ST3GAL3: variants seen among roughly 807,000 people sequenced by gnomAD.
ST3GAL3 encodes the protein ST3 beta-galactoside alpha-2,3-sialyltransferase 3.
In ST3GAL3, 21 loss-of-function variants were observed where a neutral mutation model predicts 50.1. The ratio of observed to expected loss-of-function variants is 0.42; its 90% CI spans 0.30 to 0.60. The LOEUF (loss-of-function observed/expected upper bound fraction) is 0.60. Among genes scored for constraint, ST3GAL3 ranks in the 20% least tolerant of loss-of-function variants. The pLI, the probability that ST3GAL3 is intolerant of heterozygous loss-of-function variation, is 0.19. For missense variants in ST3GAL3, 353 were observed against 489.4 expected (o/e 0.72, Z 2.63); for synonymous variants, 183 against 190.0 (o/e 0.96, Z 0.30).
chr1:43,789,452 T>C (rs2154150224), intron 2 of ST3GAL3, among the ~76,000 whole-genome samples: 1 of 152,280 alleles, frequency 6.6e-6, no homozygotes, highest in Non-Finnish European at 1.5e-5. Context: ...ATCATTGAAT[T>C]GCACACTTAT....
At chr1:43,896,093 G>A (rs2077354809) in intron 6 of ST3GAL3, among the ~76,000 whole-genome samples, 1 of 152,152 alleles carries the variant, frequency 6.6e-6, no homozygotes, top group South Asian at 2.1e-4. Context: ...GTAGAACATT[G>A]CTTAAAGGTT....
At chr1:43,719,785 T>A (rs973387305) in intron 1 of ST3GAL3, among the ~76,000 whole-genome samples, 1 of 149,250 alleles carries the variant, frequency 6.7e-6, no homozygotes, top group Non-Finnish European at 1.5e-5. Context: ...ATACAAAAAT[T>A]AGCCGGGTAT....
At chr1:43,861,827 G>A (rs2070011944) in intron 5 of ST3GAL3, among the ~76,000 whole-genome samples, 1 of 152,106 alleles carries the variant, frequency 6.6e-6, no homozygotes, top group Admixed American at 6.6e-5. Flanking sequence ...TCAGGAGTTC[G>A]AGACCAGCCT....
At chr1:43,929,684 C>T (rs1419658021) in intron 11 of ST3GAL3, among the ~76,000 whole-genome samples, 1 of 152,228 alleles carries the variant, frequency 6.6e-6, no homozygotes, top group Non-Finnish European at 1.5e-5. Context: ...TTTCATCCGC[C>T]GCCCCCAGGC....
At chr1:43,871,419 G>C (rs185135524) in intron 5 of ST3GAL3, among the ~76,000 whole-genome samples, 1 of 152,010 alleles carries the variant, frequency 6.6e-6, no homozygotes, top group Admixed American at 6.5e-5. Flanking sequence ...GAGTGTGAGG[G>C]AGAGGACGGG....
intron 2 of ST3GAL3, among the ~76,000 whole-genome samples, chr1:43,784,428 G>C (rs1035359583): frequency 6.6e-6 from 1 of 152,170 alleles, no homozygotes; most frequent in African/African-American, 2.4e-5. Flanking sequence ...AGAATCGCTT[G>C]AACCTGGGAG....
At chr1:43,760,627 G>C (rs1689935434) in intron 2 of ST3GAL3, among the ~76,000 whole-genome samples, 1 of 152,116 alleles carries the variant, frequency 6.6e-6, no homozygotes, top group Non-Finnish European at 1.5e-5. Flanking sequence ...GTGGTGGTAG[G>C]CACCTGTAGT....
chr1:43,888,508 A>C (rs1307539183), intron 5 of ST3GAL3, among the ~76,000 whole-genome samples: 1 of 152,078 alleles, frequency 6.6e-6, no homozygotes, highest in Non-Finnish European at 1.5e-5. Context: ...CAAACAAACA[A>C]GGGGAAATTT....
At chr1:43,752,997 AT>A (rs1686743478) in intron 2 of ST3GAL3, among the ~76,000 whole-genome samples, 1 of 152,248 alleles carries the variant, frequency 6.6e-6, no homozygotes, top group African/African-American at 2.4e-5. Context: ...TAATTGGAAA[AT>A]TAAGTCAGAA....
At chr1:43,872,574 C>T (rs1570355254) in intron 5 of ST3GAL3, among the ~76,000 whole-genome samples, 1 of 152,036 alleles carries the variant, frequency 6.6e-6, no homozygotes, top group East Asian at 1.9e-4. Flanking sequence ...CTCACTTCAT[C>T]TTCACAATAA....
intron 3 of ST3GAL3, among the ~76,000 whole-genome samples, chr1:43,811,744 T>C (rs1324828452): frequency 6.6e-6 from 1 of 152,172 alleles, no homozygotes; most frequent in Non-Finnish European, 1.5e-5. Flanking sequence ...GGCAACCCAC[T>C]GTGTTCTCCA....
chr1:43,748,887 CAATAGCTGA>C (rs1684943329), intron 2 of ST3GAL3, among the ~76,000 whole-genome samples: 1 of 151,808 alleles, frequency 6.6e-6, no homozygotes. Context: ...AAAAAGAAAT[CAATAGCTGA>C]TTCTAAAATT....
chr1:43,875,196 A>G lies in ST3GAL3; in HGVS notation c.303-19187A>G, dbSNP rs559564486. ...AGTAAAGGACAGTGAAAAGACGGTCAAACCAATGGCTTGATGATTTCAGTG... is the reference window on the plus strand; with the variant it reads ...AGTAAAGGACAGTGAAAAGACGGTCGAACCAATGGCTTGATGATTTCAGTG... On this transcript the variant is annotated intron_variant, in intron 5 of 11. Coordinates refer to ENST00000347631, the MANE Select transcript of ST3GAL3 (RefSeq NM_006279.5). Among the ~76,000 whole-genome samples, 5 of 152,346 alleles carry G rather than the reference A, an allele frequency of 3.3e-5. No individual in the cohort carries two copies. In the South Asian group the frequency reaches 1.0e-3, roughly 32 times the overall value.
rs1343842248 is a variant in ST3GAL3, at chr1:43,930,935, G to A, written c.*714G>A. 1.9e-5 allele frequency: 3 copies of A among 156,114 alleles called. No homozygotes were observed. Among genetic ancestry groups the A allele is most frequent in the Non-Finnish European group, 1.4e-5 (1 of 70,258 alleles). 9.7% of individuals were successfully genotyped at this position (156,114 alleles called of 1,614,324 possible). ...GCTCAGGAGGGTGACGCCCAGCTCC[G>A]CCTGCTGGGAAGAGCTCCCCTCCAC... On this transcript the variant is annotated 3_prime_UTR_variant, in exon 12 of 12. Transcript: ENST00000347631.
intron 9 of ST3GAL3, among the ~76,000 whole-genome samples, chr1:43,903,217 T>C (rs1312448068): frequency 6.6e-6 from 1 of 152,194 alleles, no homozygotes; most frequent in Non-Finnish European, 1.5e-5. Context: ...TCCAATGCTG[T>C]GGCCTGTGCA....
intron 5 of ST3GAL3, among the ~76,000 whole-genome samples, chr1:43,867,559 T>C (rs2071638580): frequency 6.6e-6 from 1 of 152,110 alleles, no homozygotes; most frequent in African/African-American, 2.4e-5. Context: ...AGATGAAGTT[T>C]TGGCAGTGGT....
At chr1:43,898,470 A>G in intron 7 of ST3GAL3, 172 bp downstream of exon 7, 1 of 703,246 alleles carries the variant, frequency 1.4e-6, no homozygotes. Flanking sequence ...ACTCCACCTG[A>G]CTTGCACCCC....
chr1:43,823,904 T>C (rs1433701830), intron 4 of ST3GAL3, among the ~76,000 whole-genome samples: 1 of 152,252 alleles, frequency 6.6e-6, no homozygotes, highest in Non-Finnish European at 1.5e-5. Context: ...CTTTGAACCC[T>C]TCTCTGCCTG....
At chr1:43,745,322 G>T (rs186640203) in intron 2 of ST3GAL3, among the ~76,000 whole-genome samples, 1 of 152,266 alleles carries the variant, frequency 6.6e-6, no homozygotes, top group East Asian at 1.9e-4. Context: ...ACTGTACAAG[G>T]TTATATTTGT....
Sources: gnomAD v4.1 joint callset for allele counts (sites outside exome capture counted in the v4.1 genomes callset) on GRCh38, gnomAD v4.1.1 for gene constraint, MANE v1.5 for transcripts, NCBI Gene and HGNC (gene_info 2026-07-23, HGNC 2026-07-21) for gene names.